Variants in ZNF799 observed in about 807,000 individuals in gnomAD.
ZNF799 encodes the protein zinc finger protein 14.
In ZNF799, 28 loss-of-function variants were observed where a neutral mutation model predicts 41.0. That is an observed-to-expected ratio of 0.68 (90% confidence interval 0.51 to 0.94). The LOEUF (loss-of-function observed/expected upper bound fraction) is 0.94. ZNF799 is among the 40% of genes least tolerant of loss of function. The pLI is 0.00. For missense variants in ZNF799, 716 were observed against 764.3 expected, an observed-to-expected ratio of 0.94 and a Z score of 0.74; for synonymous variants, 213 against 252.9, an observed-to-expected ratio of 0.84 and a Z score of 1.50.
the ZNF799 span, among the ~76,000 whole-genome samples, chr19:12,413,140 C>T: frequency 2.0e-5 from 3 of 151,198 alleles, no homozygotes; most frequent in African/African-American, 7.3e-5. Context: ...TAACATGTAA[C>T]CTACTGACAT....
chr19:12,413,423 C>T, the ZNF799 span, among the ~76,000 whole-genome samples: 1 of 152,256 alleles, frequency 6.6e-6, no homozygotes, highest in East Asian at 1.9e-4. Flanking sequence ...AGTAAACCTA[C>T]ATAAAATGAC....
chr19:12,406,003 T>C (rs1970026765), upstream of ZNF799, among the ~76,000 whole-genome samples: 1 of 151,484 alleles, frequency 6.6e-6, no homozygotes, highest in Admixed American at 6.6e-5. Context: ...TGAAACCCCA[T>C]CTCTACTAAA....
chr19:12,407,473 GA>G, the ZNF799 span, among the ~76,000 whole-genome samples: 5 of 143,308 alleles, frequency 3.5e-5, no homozygotes, highest in African/African-American at 1.3e-4. Flanking sequence ...AAAAAAAAAA[GA>G]GAGAGAGAGA....
chr19:12,394,798 A>T (rs1218945697), intron 1 of ZNF799: 1 of 985,370 alleles, frequency 1.0e-6, no homozygotes, highest in East Asian at 1.1e-4. Context: ...ATCTAATAGA[A>T]CTCACAGTAT....
chr19:12,408,576 A>C, the ZNF799 span, among the ~76,000 whole-genome samples: 1 of 152,376 alleles, frequency 6.6e-6, no homozygotes, highest in Admixed American at 6.5e-5. Context: ...ATGCCATTTT[A>C]GCCCTAATCA....
chr19:12,400,588 C>T, intron 1 of ZNF799: 1 of 200,926 alleles, frequency 5.0e-6, no homozygotes, highest in East Asian at 1.5e-4. Context: ...CAGCAGAATG[C>T]GGTTTCTTCA....
Position 12,391,453 on chromosome 19 carries a change from C to T in ZNF799, c.945G>A (p.Gly315=), listed in dbSNP as rs1393631296. The T allele has an allele frequency of 1.2e-6, 2 of 1,613,980 alleles. No homozygotes were observed. The highest frequency in any genetic ancestry group is 2.7e-5 in the African/African-American group (2 of 74,904). Residue 315 remains glycine, a synonymous_variant, in exon 4 of 4, where the codon GGG becomes GGA. Transcript: ENST00000430385. ...DEKPYACQQC[G]KAFHHLGSFQ... is the part of the protein sequence containing the mutation. Reference sequence around the variant, plus strand: ...AGCTTCCCAGATGATGAAACGCTTTCCCACATTGCTGACATGCATAGGGTT... The same window carrying T: ...AGCTTCCCAGATGATGAAACGCTTTTCCACATTGCTGACATGCATAGGGTT...
intron 1 of ZNF799, among the ~76,000 whole-genome samples, chr19:12,398,913 G>A (rs1446182043): frequency 6.6e-6 from 1 of 151,772 alleles, no homozygotes. Flanking sequence ...AATAAATAAA[G>A]GTTTTTAAAA....
At chr19:12,396,482 T>G (rs1969895690) in intron 1 of ZNF799, among the ~76,000 whole-genome samples, 1 of 152,196 alleles carries the variant, frequency 6.6e-6, no homozygotes, top group Non-Finnish European at 1.5e-5. Flanking sequence ...AAACCCTATC[T>G]CTACTAAACA....
the ZNF799 span, among the ~76,000 whole-genome samples, chr19:12,413,185 GTTT>G: frequency 6.6e-6 from 1 of 151,832 alleles, no homozygotes; most frequent in Non-Finnish European, 1.5e-5. Context: ...AAATCATGAA[GTTT>G]TCCTGATTGT....
At chr19:12,404,781 T>G (rs941257458), upstream of ZNF799, among the ~76,000 whole-genome samples, 106 of 152,308 alleles carry the variant, frequency 7.0e-4, 3 homozygotes, top group Non-Finnish European at 1.5e-4. Flanking sequence ...TGTTGTAAAA[T>G]ACATCAAAAG....
chr19:12,407,116 C>T, the ZNF799 span, among the ~76,000 whole-genome samples: 2 of 152,004 alleles, frequency 1.3e-5, no homozygotes, highest in Non-Finnish European at 2.9e-5. Flanking sequence ...ACTGGTATAC[C>T]TGCCTTGCCA....
At chr19:12,397,716 G>A (rs1255934604) in intron 1 of ZNF799, among the ~76,000 whole-genome samples, 1 of 151,272 alleles carries the variant, frequency 6.6e-6, no homozygotes, top group Non-Finnish European at 1.5e-5. Flanking sequence ...TATAACAAAT[G>A]TAAAACAATT....
the ZNF799 span, among the ~76,000 whole-genome samples, chr19:12,408,729 T>G: frequency 6.6e-6 from 1 of 152,002 alleles, no homozygotes; most frequent in Non-Finnish European, 1.5e-5. Context: ...GTCCAGAAAA[T>G]AGAGCATCAA....
chr19:12,406,490 A>AG, the ZNF799 span, among the ~76,000 whole-genome samples: 1 of 151,868 alleles, frequency 6.6e-6, no homozygotes, highest in Non-Finnish European at 1.5e-5. Flanking sequence ...TCTCAAAAAA[A>AG]AAAAACCAAA....
chr19:12,404,568 C>T (rs1033863073), upstream of ZNF799, among the ~76,000 whole-genome samples: 28 of 152,132 alleles, frequency 1.8e-4, no homozygotes, highest in Admixed American at 1.3e-3. Context: ...GGATTACAGG[C>T]GTGAGCCACC....
At chr19:12,401,038 C>G (rs932796841) in intron 1 of ZNF799, 30 bp downstream of exon 1, 4 of 1,613,990 alleles carry the variant, frequency 2.5e-6, no homozygotes, top group Non-Finnish European at 3.4e-6. Context: ...GCCCCTCCCC[C>G]GCCTCGGGAC....
intron 1 of ZNF799, among the ~76,000 whole-genome samples, chr19:12,397,632 G>T (rs1236099726): frequency 6.9e-6 from 1 of 145,480 alleles, no homozygotes. Flanking sequence ...ACTATTAGAA[G>T]AAAATACAAT....
the ZNF799 span, among the ~76,000 whole-genome samples, chr19:12,408,790 A>T: frequency 6.6e-6 from 1 of 152,172 alleles, no homozygotes; most frequent in African/African-American, 2.4e-5. Context: ...TCCCAGCACT[A>T]TGGAAGGCCG....
Sources: allele counts gnomAD v4.1 joint callset (sites outside exome capture counted in the v4.1 genomes callset), GRCh38; gene constraint gnomAD v4.1.1; transcripts MANE v1.5; gene names NCBI Gene and HGNC (gene_info 2026-07-23, HGNC 2026-07-21).